Variants in AGBL3 observed in about 807,000 individuals in gnomAD.
AGBL3 encodes cytosolic carboxypeptidase 3.
In AGBL3, 68 loss-of-function variants were observed where a neutral mutation model predicts 94.5. The ratio of observed to expected loss-of-function variants is 0.72; its 90% CI spans 0.59 to 0.88. The LOEUF is 0.88. Among genes scored for constraint, AGBL3 ranks in the 40% least tolerant of loss-of-function variants. AGBL3 has a pLI of 0.00. For missense variants in AGBL3, 934 were observed against 1,103.8 expected (o/e 0.85, Z 2.18); for synonymous variants, 354 against 370.7 (o/e 0.95, Z 0.52).
intron 5 of AGBL3, among the ~76,000 whole-genome samples, chr7:135,017,602 T>C (rs1358449863): frequency 6.6e-6 from 1 of 152,130 alleles, no homozygotes; most frequent in Non-Finnish European, 1.5e-5. Flanking sequence ...TTGCAAAAAA[T>C]CAAACATAGA....
intron 16 of AGBL3, among the ~76,000 whole-genome samples, chr7:135,119,875 T>G (rs1450971317): frequency 6.6e-6 from 1 of 151,610 alleles, no homozygotes; most frequent in Admixed American, 6.6e-5. Flanking sequence ...AGACTCCGTC[T>G]CAAAAAATAA....
chr7:134,997,870 G>C (rs1811206514), intron 4 of AGBL3, among the ~76,000 whole-genome samples: 1 of 152,172 alleles, frequency 6.6e-6, no homozygotes, highest in Admixed American at 6.5e-5. Context: ...TTAACAAAGA[G>C]CCTAGTTTGT....
At chr7:135,093,648 A>T (rs931908218) in intron 15 of AGBL3, 3 of 152,200 alleles carry the variant, frequency 2.0e-5, no homozygotes, top group Non-Finnish European at 4.4e-5. Flanking sequence ...CTGGTCATGG[A>T]TCAGAAGATT....
intron 11 of AGBL3, among the ~76,000 whole-genome samples, chr7:135,047,844 T>C (rs1376871550): frequency 6.6e-6 from 1 of 152,016 alleles, no homozygotes; most frequent in African/African-American, 2.4e-5. Context: ...TATTGTTTCC[T>C]TGGTTGTACA....
At chr7:135,058,992 G>A (rs988222583) in intron 11 of AGBL3, among the ~76,000 whole-genome samples, 177 bp from the exon 12 acceptor site, 1 of 152,138 alleles carries the variant, frequency 6.6e-6, no homozygotes, top group African/African-American at 2.4e-5. Context: ...CCTGACCTCA[G>A]GTGATCCACC....
At chr7:135,107,859 G>GTC (rs1047037445) in intron 15 of AGBL3, among the ~76,000 whole-genome samples, 2 of 152,102 alleles carry the variant, frequency 1.3e-5, no homozygotes, top group African/African-American at 4.8e-5. Context: ...CTTTTTGTAG[G>GTC]TCTCTAGGAA....
At chr7:135,027,827 T>C (rs1815313979) in intron 5 of AGBL3, among the ~76,000 whole-genome samples, 1 of 151,632 alleles carries the variant, frequency 6.6e-6, no homozygotes. Context: ...TACATACATA[T>C]AACAAAATTT....
intron 4 of AGBL3, among the ~76,000 whole-genome samples, chr7:134,999,576 C>T (rs1490268569): frequency 2.0e-5 from 3 of 152,168 alleles, no homozygotes; most frequent in Non-Finnish European, 4.4e-5. Context: ...ATCATCTGAT[C>T]CTGGAAGAGT....
chr7:135,110,600 G>C (rs1825491360), intron 15 of AGBL3, among the ~76,000 whole-genome samples: 1 of 152,112 alleles, frequency 6.6e-6, no homozygotes, highest in Admixed American at 6.5e-5. Flanking sequence ...GGCTCTCCTG[G>C]CTCTGTGTCG....
At chr7:135,103,049 C>A (rs944776491) in intron 15 of AGBL3, among the ~76,000 whole-genome samples, 9 of 152,164 alleles carry the variant, frequency 5.9e-5, no homozygotes, top group Non-Finnish European at 1.3e-4. Flanking sequence ...TATGTCATTT[C>A]TTCTTTGAAC....
At chr7:135,126,427 T>C (rs1379690998) in intron 16 of AGBL3, among the ~76,000 whole-genome samples, 1 of 152,182 alleles carries the variant, frequency 6.6e-6, no homozygotes, top group East Asian at 1.9e-4. Context: ...TCCTCGTGGA[T>C]AGGAAGAATC....
At chr7:135,125,070 TAGAG>T (rs1827680003) in intron 16 of AGBL3, among the ~76,000 whole-genome samples, 1 of 151,010 alleles carries the variant, frequency 6.6e-6, no homozygotes, top group African/African-American at 2.4e-5. Context: ...TTGAAGGAGA[TAGAG>T]ACACAAAAAA....
chr7:135,072,860 A>C (rs957267710), intron 12 of AGBL3, among the ~76,000 whole-genome samples: 2 of 152,098 alleles, frequency 1.3e-5, no homozygotes, highest in Middle Eastern at 3.2e-3. Context: ...ACATGTATAC[A>C]TATGTAGCAA....
chr7:135,111,903 T>C (rs1825693139), intron 15 of AGBL3, among the ~76,000 whole-genome samples: 2 of 152,204 alleles, frequency 1.3e-5, no homozygotes, highest in Non-Finnish European at 2.9e-5. Context: ...CTGAATTTCA[T>C]ATTCCTCTGC....
intron 12 of AGBL3, 98 bp from the exon 13 acceptor site, chr7:135,076,299 C>A: frequency 2.1e-6 from 2 of 934,480 alleles, no homozygotes; most frequent in Non-Finnish European, 3.3e-6. Flanking sequence ...TACTTCTCAT[C>A]TTCTTAGAAG....
Position 135,100,548 on chromosome 7 carries a change from G to T in AGBL3, c.2111-14832G>T, listed in dbSNP as rs76581945. ...ATGGTATATCCTCTCTTCCTTCCTG[G>T]CTTCTCTTCTAAGAACTCAGTTTCT... On this transcript the variant is annotated intron_variant, in intron 15 of 16. Coordinates refer to ENST00000436302, the MANE Select transcript of AGBL3 (RefSeq NM_178563.4). Among the ~76,000 whole-genome samples the T allele has an allele frequency of 4.7e-3, 722 of 152,164 alleles. 22 individuals are homozygous for T. In the East Asian group the frequency reaches 0.057, roughly 12 times the overall value.
intron 15 of AGBL3, among the ~76,000 whole-genome samples, chr7:135,107,653 A>G (rs1443432774): frequency 1.3e-5 from 2 of 152,168 alleles, no homozygotes; most frequent in Admixed American, 6.6e-5. Context: ...TCAATTTTAG[A>G]GTATGTACCA....
intron 12 of AGBL3, 142 bp downstream of exon 12, chr7:135,059,377 CAT>C: frequency 7.7e-6 from 4 of 517,920 alleles, no homozygotes; most frequent in Non-Finnish European, 1.3e-5. Context: ...TATTTTAAAT[CAT>C]AGAATTATTT....
intron 12 of AGBL3, 97 bp from the exon 13 acceptor site, chr7:135,076,300 T>A: frequency 1.1e-6 from 1 of 941,160 alleles, no homozygotes; most frequent in Non-Finnish European, 1.6e-6. Flanking sequence ...ACTTCTCATC[T>A]TCTTAGAAGT....
Sources: allele counts gnomAD v4.1 joint callset (sites outside exome capture counted in the v4.1 genomes callset), GRCh38; gene constraint gnomAD v4.1.1; transcripts MANE v1.5; gene names NCBI Gene and HGNC (gene_info 2026-07-23, HGNC 2026-07-21).